The following DDIT4 variants were observed in gnomAD, a reference collection of about 807,000 sequenced individuals.
DDIT4 encodes the protein DNA damage-inducible transcript 4 protein.
DDIT4 carries 20 observed loss-of-function variants against 20.2 expected under a neutral mutation model. That is an observed-to-expected ratio of 0.99 (90% CI 0.70 to 1.44). DDIT4 has a LOEUF of 1.44. Ranked by LOEUF, DDIT4 falls within the 40% of genes most tolerant of loss-of-function variation. The pLI is 0.00. For synonymous variants in DDIT4, 152 were observed against 144.6 expected, an observed-to-expected ratio of 1.05 and a Z score of -0.37; for missense variants, 316 against 298.1, an observed-to-expected ratio of 1.06 and a Z score of -0.44.
Position 72,273,989 on chromosome 10 carries a change from G to T in DDIT4, c.-132G>T. ...GGGTCTGGGCGGCTCTCGGTGGTTGGCACGGGTTCGCACACCCATTCAAGC... is the reference window on the plus strand; with the variant it reads ...GGGTCTGGGCGGCTCTCGGTGGTTGTCACGGGTTCGCACACCCATTCAAGC... On this transcript the variant is annotated 5_prime_UTR_variant, in exon 1 of 3. Transcript: ENST00000307365. 2.1e-6 allele frequency: 1 copy of T among 473,102 alleles called. No individual in the cohort carries two copies. Among genetic ancestry groups the T allele is most frequent in the Non-Finnish European group, 3.8e-6 (1 of 263,746 alleles). The allele number at this position is 473,102 out of a possible 1,614,324, so 29.3% of individuals were successfully genotyped here.
In DDIT4 at chr10:72,274,000, C is replaced by CATCATTAA; in HGVS notation, c.-120_-119insTCATTAAA. 5 of 479,066 alleles carry CATCATTAA rather than the reference C, an allele frequency of 1.0e-5. No homozygotes were observed. Among genetic ancestry groups the CATCATTAA allele is most frequent in the South Asian group, 9.4e-5 (3 of 31,786 alleles). The allele number at this position is 479,066 out of a possible 1,614,324, so 29.7% of individuals were successfully genotyped here. ...GCTCTCGGTGGTTGGCACGGGTTCG[C>CATCATTAA]ACACCCATTCAAGCGGCAGGACGCA... is the stretch of plus-strand genomic sequence containing the variant. On this transcript the variant is annotated 5_prime_UTR_variant, in exon 1 of 3. Coordinates refer to ENST00000307365, the MANE Select transcript of DDIT4 (RefSeq NM_019058.4).
In DDIT4 at chr10:72,274,896, A is replaced by G; in HGVS notation, c.407A>G (p.Tyr136Cys). 6.2e-7 allele frequency: 1 copy of G among 1,612,978 alleles called. No individual in the cohort carries two copies. The highest frequency in any genetic ancestry group is 8.5e-7 in the Non-Finnish European group (1 of 1,179,926). ...GGCAAAGAACTACTGCGCCTGGCCT[A>G]CAGCGAGCCGTGCGGCCTGCGGGGG... ...QVGKELLRLA[Y>C]SEPCGLRGAL... Residue 136 changes from tyrosine to cysteine, a missense_variant, in exon 3 of 3, where the codon TAC (tyrosine) becomes TGC (cysteine). By Grantham distance (194) the Tyr-to-Cys change is radical. Transcript: ENST00000307365.
chr10:72,275,256 A>C lies in DDIT4; in HGVS notation c.*68A>C. 6.6e-7 allele frequency: 1 copy of C among 1,513,204 alleles called. No individual in the cohort carries two copies. The highest frequency in any genetic ancestry group is 8.8e-7 in the Non-Finnish European group (1 of 1,131,946). The allele number at this position is 1,513,204 out of a possible 1,614,324, so 93.7% of individuals were successfully genotyped here. On this transcript the variant is annotated 3_prime_UTR_variant, in exon 3 of 3. Coordinates refer to ENST00000307365, the MANE Select transcript of DDIT4 (RefSeq NM_019058.4). ...CGACTGAACTTTTGGGGTGGAGACTAGAGGCAGGAGCTGAGGGACTGATTC... is the reference window on the plus strand; with the variant it reads ...CGACTGAACTTTTGGGGTGGAGACTCGAGGCAGGAGCTGAGGGACTGATTC...
intron 2 of DDIT4, 46 bp from the exon 3 acceptor site, chr10:72,274,649 T>A (rs1860805090): frequency 6.5e-7 from 1 of 1,548,722 alleles, no homozygotes; most frequent in Admixed American, 2.0e-5. Context: ...GTGCGTTTCG[T>A]TTTGAAGCCG....
chr10:72,275,942 A>C lies in DDIT4; in HGVS notation c.*754A>C, dbSNP rs1860825518. On this transcript the variant is annotated 3_prime_UTR_variant, in exon 3 of 3. Transcript: ENST00000307365. The stretch of plus-strand genomic sequence containing the variant: ...TCCATCTAGAACTGTTTACATGAAG[A>C]TAAGATACTCACTGTTCATGAATAC... 1 of 152,666 alleles carries C rather than the reference A, an allele frequency of 6.6e-6. No individual in the cohort carries two copies. The highest frequency in any genetic ancestry group is 1.5e-5 in the Non-Finnish European group (1 of 68,050). The allele number at this position is 152,666 out of a possible 1,614,324, so 9.5% of individuals were successfully genotyped here.
intron 1 of DDIT4, 33 bp downstream of exon 1, chr10:72,274,093 C>T: frequency 1.3e-6 from 1 of 778,126 alleles, no homozygotes; most frequent in Admixed American, 1.9e-5. Flanking sequence ...GGTCCTAGAG[C>T]TCGCGGTCTG....
chr10:72,274,101 C>A, intron 1 of DDIT4, 41 bp downstream of exon 1: 1 of 789,282 alleles, frequency 1.3e-6, no homozygotes. Flanking sequence ...AGCTCGCGGT[C>A]TGGTCTGGTC....
Position 72,275,589 on chromosome 10 carries a change from G to A in DDIT4, c.*401G>A, listed in dbSNP as rs13618. ...GTGCTCCTCAGAGCAGCCGGAGGGA[G>A]GGGGGAGGTCGGAGGTCGTGGAGGT... On this transcript the variant is annotated 3_prime_UTR_variant, in exon 3 of 3. Coordinates refer to ENST00000307365, the MANE Select transcript of DDIT4 (RefSeq NM_019058.4). 5,387 of 198,544 alleles carry A rather than the reference G, an allele frequency of 0.027. 116 individuals carry two copies. The highest frequency in any genetic ancestry group is 0.036 in the Non-Finnish European group (3,422 of 95,322). 12.3% of individuals were successfully genotyped at this position (198,544 alleles called of 1,614,324 possible). A position where few individuals can be genotyped will look rare whatever the true frequency, so the allele number is the denominator to read the frequency against.
Position 72,274,603 on chromosome 10 carries a change from C to T in DDIT4, c.206-92C>T, listed in dbSNP as rs1466136553. On this transcript the variant is annotated intron_variant, in intron 2 of 2. Transcript: ENST00000307365. ...AACTGAGGCACGGAGTGGGAAGGAG[C>T]GTTGGTTTCTTAAGGAAACAGCACC... 8 of 1,480,466 alleles carry T rather than the reference C, an allele frequency of 5.4e-6. No individual in the cohort carries two copies. In the South Asian group the frequency reaches 6.6e-5, roughly 12 times the overall value. The allele number at this position is 1,480,466 out of a possible 1,614,324, so 91.7% of individuals were successfully genotyped here.
chr10:72,275,334 T>C lies in DDIT4; in HGVS notation c.*146T>C. On this transcript the variant is annotated 3_prime_UTR_variant, in exon 3 of 3. Coordinates refer to ENST00000307365, the MANE Select transcript of DDIT4 (RefSeq NM_019058.4). ...CTAAGGTGGAGGTGGGGGAATAGTG[T>C]TTCCCAGGAAGCTCATTGAGTTGTG... The C allele has an allele frequency of 1.1e-6, 1 of 874,320 alleles. No homozygotes were observed. Among genetic ancestry groups the C allele is most frequent in the Non-Finnish European group, 1.7e-6 (1 of 584,712 alleles). 54.2% of individuals were successfully genotyped at this position (874,320 alleles called of 1,614,324 possible).
At position 72,274,003 on chromosome 10, in the gene DDIT4, A is replaced by AT; in HGVS notation, c.-118_-117insT. ...CTCGGTGGTTGGCACGGGTTCGCAC[A>AT]CCCATTCAAGCGGCAGGACGCACTT... is the stretch of plus-strand genomic sequence containing the variant. On this transcript the variant is annotated 5_prime_UTR_variant, in exon 1 of 3. Coordinates refer to ENST00000307365, the MANE Select transcript of DDIT4 (RefSeq NM_019058.4). 6.8e-6 allele frequency: 4 copies of AT among 591,110 alleles called. No individual in the cohort carries two copies. The highest frequency in any genetic ancestry group is 9.1e-6 in the Non-Finnish European group (3 of 330,570). The allele number at this position is 591,110 out of a possible 1,614,324, so 36.6% of individuals were successfully genotyped here.
chr10:72,275,311 A>T lies in DDIT4; in HGVS notation c.*123A>T. 1 of 1,104,890 alleles carries T rather than the reference A, an allele frequency of 9.1e-7. No individual in the cohort carries two copies. 68.4% of individuals were successfully genotyped at this position (1,104,890 alleles called of 1,614,324 possible). A position where few individuals can be genotyped will look rare whatever the true frequency, so the allele number is the denominator to read the frequency against. ...GGTTGGAAAACTGAGGCAGCCACCT[A>T]AGGTGGAGGTGGGGGAATAGTGTTT... On this transcript the variant is annotated 3_prime_UTR_variant, in exon 3 of 3. Transcript: ENST00000307365.
At chr10:72,274,484 TG>T in intron 2 of DDIT4, 63 bp downstream of exon 2, 1 of 1,483,534 alleles carries the variant, frequency 6.7e-7, no homozygotes, top group Admixed American at 2.3e-5. Flanking sequence ...GCCCCGGTGC[TG>T]GAAGGGGTCA....
chr10:72,274,991 A>C lies in DDIT4; in HGVS notation c.502A>C (p.Ser168Arg), dbSNP rs530780585. 1 of 1,613,332 alleles carries C rather than the reference A, an allele frequency of 6.2e-7. No individual in the cohort carries two copies. The highest frequency in any genetic ancestry group is 8.5e-7 in the Non-Finnish European group (1 of 1,179,974). ...CGTGGGCCAGCTGGCACTCGACCCC[A>C]GCCTGGTGCCCACCTTCCAGCTGAC... ...HSVGQLALDP[S>R]LVPTFQLTLV... The change falls in exon 3 of 3, where the codon AGC (serine) becomes CGC (arginine). Residue 168 changes from serine to arginine, a missense_variant. Transcript: ENST00000307365.
In DDIT4 at chr10:72,273,996, T is replaced by TG; in HGVS notation, c.-125_-124insG. The TG allele has an allele frequency of 5.7e-6, 2 of 350,444 alleles. No individual in the cohort carries two copies. Among genetic ancestry groups the TG allele is most frequent in the Non-Finnish European group, 5.0e-6 (1 of 201,264 alleles). 21.7% of individuals were successfully genotyped at this position (350,444 alleles called of 1,614,324 possible). A position where few individuals can be genotyped will look rare whatever the true frequency, so the allele number is the denominator to read the frequency against. On this transcript the variant is annotated 5_prime_UTR_variant, in exon 1 of 3. Transcript: ENST00000307365. ...GGCGGCTCTCGGTGGTTGGCACGGG[T>TG]TCGCACACCCATTCAAGCGGCAGGA...
chr10:72,275,831 C>G lies in DDIT4; in HGVS notation c.*643C>G, dbSNP rs557123637. 5 of 153,010 alleles carry G rather than the reference C, an allele frequency of 3.3e-5. No homozygotes were observed. The highest frequency in any genetic ancestry group is 4.1e-4 in the South Asian group (2 of 4,916). 9.5% of individuals were successfully genotyped at this position (153,010 alleles called of 1,614,324 possible). ...CAGCTGCGTTTAAGCCTTCCCCCAT[C>G]GTGTACTGCAGAGTTGAGCTGGCAG... is the stretch of plus-strand genomic sequence containing the variant. On this transcript the variant is annotated 3_prime_UTR_variant, in exon 3 of 3. Coordinates refer to ENST00000307365, the MANE Select transcript of DDIT4 (RefSeq NM_019058.4).
chr10:72,274,103 G>A, intron 1 of DDIT4, 43 bp downstream of exon 1: 3 of 826,484 alleles, frequency 3.6e-6, no homozygotes, highest in Middle Eastern at 2.2e-4. Context: ...CTCGCGGTCT[G>A]GTCTGGTCTG....
At position 72,274,148 on chromosome 10, in the gene DDIT4, G is replaced by A. The variant is rs966711497; in HGVS notation, c.-60-9G>A. The A allele has an allele frequency of 3.9e-5, 51 of 1,305,908 alleles. No homozygotes were observed. The highest frequency in any genetic ancestry group is 5.4e-5 in the Non-Finnish European group (49 of 904,554). The allele number at this position is 1,305,908 out of a possible 1,614,324, so 80.9% of individuals were successfully genotyped here. A position where few individuals can be genotyped will look rare whatever the true frequency, so the allele number is the denominator to read the frequency against. ...CTGACGCCTGGTCGGTCCCCCTCTT[G>A]TCTTACAGCGGCTTCTACGCTCCGG... On this transcript the variant is annotated splice_polypyrimidine_tract_variant and intron_variant, in intron 1 of 2. Coordinates refer to ENST00000307365, the MANE Select transcript of DDIT4 (RefSeq NM_019058.4).
rs1207818368 is a variant in DDIT4, at chr10:72,274,365, A to C, written c.149A>C (p.Glu50Ala). ...GGGTTTGACCGCTCCACGAGCCTGG[A>C]GAGCTCGGACTGCGAGTCCCTGGAC... ...EEGFDRSTSLESSDCESLDSS... is the reference protein window; with the variant it reads ...EEGFDRSTSLASSDCESLDSS... Residue 50 changes from glutamate (E) to alanine (A), a missense_variant, in exon 2 of 3, where the codon GAG becomes GCG. By Grantham distance (107) the Glu-to-Ala change is moderately radical (BLOSUM62 -1). Transcript: ENST00000307365. 6.2e-7 allele frequency: 1 copy of C among 1,608,728 alleles called. No homozygotes were observed. The highest frequency in any genetic ancestry group is 2.2e-5 in the East Asian group (1 of 44,816).
Sources: allele counts gnomAD v4.1 joint callset, GRCh38; gene constraint gnomAD v4.1.1; transcripts MANE v1.5; gene names NCBI Gene and HGNC (gene_info 2026-07-23, HGNC 2026-07-21).